SEMA3A: variants seen among roughly 807,000 people sequenced by gnomAD.
SEMA3A encodes the protein semaphorin 3A.
SEMA3A carries 29 observed loss-of-function variants against 97.9 expected under a neutral mutation model. The observed-to-expected ratio is 0.30, with a 90% CI of 0.22 to 0.40. The LOEUF (loss-of-function observed/expected upper bound fraction) is 0.40. SEMA3A is among the 10% of genes least tolerant of loss of function. The pLI, the probability that SEMA3A is intolerant of heterozygous loss-of-function variation, is 1.00. For synonymous variants in SEMA3A, 321 were observed against 323.7 expected, an observed-to-expected ratio of 0.99 and a Z score of 0.09; for missense variants, 763 against 951.3, an observed-to-expected ratio of 0.80 and a Z score of 2.60.
At chr7:84,043,290 T>C (rs1191315466) in intron 6 of SEMA3A, among the ~76,000 whole-genome samples, 1 of 152,054 alleles carries the variant, frequency 6.6e-6, no homozygotes, top group Non-Finnish European at 1.5e-5. Flanking sequence ...TTTATTGGCA[T>C]TATCATATAA....
chr7:84,426,400 T>G (rs1357642099), intron 1 of SEMA3A, among the ~76,000 whole-genome samples: 1 of 152,106 alleles, frequency 6.6e-6, no homozygotes, highest in Non-Finnish European at 1.5e-5. Context: ...TGTTGACTGA[T>G]ATGGTCGATG....
At chr7:84,211,270 C>T (rs1468272331) in intron 3 of SEMA3A, among the ~76,000 whole-genome samples, 1 of 151,972 alleles carries the variant, frequency 6.6e-6, no homozygotes, top group South Asian at 2.1e-4. Context: ...AATATGCTAG[C>T]CTTGGTGAAA....
chr7:83,982,057 T>C (rs1301251806), intron 13 of SEMA3A, among the ~76,000 whole-genome samples: 3 of 152,096 alleles, frequency 2.0e-5, no homozygotes, highest in Admixed American at 2.0e-4. Context: ...ACTAAATTAC[T>C]ACCCTTCAAA....
intron 3 of SEMA3A, among the ~76,000 whole-genome samples, chr7:84,299,592 C>T (rs1460233899): frequency 6.6e-6 from 1 of 151,190 alleles, no homozygotes; most frequent in African/African-American, 2.4e-5. Flanking sequence ...TTATAAATAC[C>T]AATGGACAGC....
chr7:84,183,091 A>G (rs1797778685), intron 1 of SEMA3A, among the ~76,000 whole-genome samples: 1 of 152,182 alleles, frequency 6.6e-6, no homozygotes, highest in South Asian at 2.1e-4. Flanking sequence ...GTTATTGAAT[A>G]TCTTCTATGT....
chr7:84,140,122 C>T lies in SEMA3A; in HGVS notation c.113-5171G>A, dbSNP rs1465309808. Among the ~76,000 whole-genome samples the T allele has an allele frequency of 2.0e-5, 3 of 152,152 alleles. No individual in the cohort carries two copies. The East Asian group carries it at 5.8e-4, about 29-fold the overall frequency. On this transcript the variant is annotated intron_variant, in intron 1 of 16. Coordinates refer to ENST00000265362, the MANE Select transcript of SEMA3A (RefSeq NM_006080.3). ...TTGTTAAATGGAAAGAAAAAAGACA[C>T]TCGCACCAAAATCATGCACGAGGAT...
upstream of SEMA3A, chr7:84,195,024 A>AG (rs1798179833): frequency 2.8e-5 from 4 of 140,566 alleles, no homozygotes; most frequent in African/African-American, 8.2e-5. Flanking sequence ...GAGAGAGAGA[A>AG]AGAGAGAGAG....
intron 1 of SEMA3A, among the ~76,000 whole-genome samples, chr7:84,407,515 A>C (rs1182029521): frequency 6.6e-6 from 1 of 151,948 alleles, no homozygotes; most frequent in South Asian, 2.1e-4. Context: ...GTTACCAATG[A>C]CTTTCTTCAC....
At chr7:84,325,227 C>T (rs1801747231) in intron 2 of SEMA3A, among the ~76,000 whole-genome samples, 2 of 151,852 alleles carry the variant, frequency 1.3e-5, no homozygotes, top group Admixed American at 1.3e-4. Context: ...GAAGTTAAGG[C>T]AATGGATACA....
At chr7:84,092,026 A>T (rs1340545789) in intron 4 of SEMA3A, among the ~76,000 whole-genome samples, 1 of 152,210 alleles carries the variant, frequency 6.6e-6, no homozygotes, top group Non-Finnish European at 1.5e-5. Context: ...CTCTATCAGT[A>T]TCAGAGTATC....
chr7:84,116,369 T>A (rs1429551893), intron 3 of SEMA3A, among the ~76,000 whole-genome samples: 1 of 152,152 alleles, frequency 6.6e-6, no homozygotes, highest in Non-Finnish European at 1.5e-5. Flanking sequence ...CCAAGTTTAG[T>A]TGCTTTAAAA....
intron 1 of SEMA3A, among the ~76,000 whole-genome samples, chr7:84,408,674 A>C (rs1433144611): frequency 6.6e-6 from 1 of 150,454 alleles, no homozygotes; most frequent in Non-Finnish European, 1.5e-5. Context: ...GTGGATTAAG[A>C]AAATGTGGCA....
intron 1 of SEMA3A, among the ~76,000 whole-genome samples, chr7:84,136,118 T>C (rs1796117014): frequency 6.6e-6 from 1 of 152,128 alleles, no homozygotes; most frequent in South Asian, 2.1e-4. Flanking sequence ...TCTCCAAAAC[T>C]GTATGTCCTG....
intron 4 of SEMA3A, among the ~76,000 whole-genome samples, chr7:84,109,931 T>A (rs1795226855): frequency 6.6e-6 from 1 of 152,216 alleles, no homozygotes; most frequent in South Asian, 2.1e-4. Context: ...GACAGATTTT[T>A]TAAAAAAACA....
At chr7:84,413,197 T>C (rs1283812006) in intron 1 of SEMA3A, among the ~76,000 whole-genome samples, 1 of 152,184 alleles carries the variant, frequency 6.6e-6, no homozygotes, top group Non-Finnish European at 1.5e-5. Flanking sequence ...GGATGTATTA[T>C]ATGTGTAGAA....
At chr7:84,003,686 C>T (rs1790549391) in intron 11 of SEMA3A, among the ~76,000 whole-genome samples, 1 of 152,038 alleles carries the variant, frequency 6.6e-6, no homozygotes, top group South Asian at 2.1e-4. Context: ...ACATTTAAGC[C>T]AGAGGTGAAG....
intron 4 of SEMA3A, among the ~76,000 whole-genome samples, chr7:84,068,437 A>G (rs565196067): frequency 6.7e-6 from 1 of 148,312 alleles, no homozygotes; most frequent in South Asian, 2.1e-4. Flanking sequence ...AAAAAAAAAA[A>G]AACTGGAAAA....
intron 6 of SEMA3A, among the ~76,000 whole-genome samples, chr7:84,025,627 T>C: frequency 1.1e-5 from 1 of 89,846 alleles, no homozygotes; most frequent in South Asian, 3.5e-4. Flanking sequence ...GAATAGCCTT[T>C]GGGATAGTTT....
intron 3 of SEMA3A, among the ~76,000 whole-genome samples, chr7:84,214,042 G>T (rs1178709523): frequency 1.3e-5 from 2 of 152,084 alleles, no homozygotes; most frequent in East Asian, 3.9e-4. Context: ...GTTTCTCATT[G>T]TACCTTAAGA....
Sources: allele counts gnomAD v4.1 joint callset (sites outside exome capture counted in the v4.1 genomes callset), GRCh38; gene constraint gnomAD v4.1.1; transcripts MANE v1.5; gene names NCBI Gene and HGNC (gene_info 2026-07-23, HGNC 2026-07-21).